The following ADGRL2 variants were observed in gnomAD, a reference collection of about 807,000 sequenced individuals.
The protein encoded by ADGRL2 is adhesion G protein-coupled receptor L2, also known as calcium-independent alpha-latrotoxin receptor 2.
In ADGRL2, 44 loss-of-function variants were observed where a neutral mutation model predicts 157.4. That is an observed-to-expected ratio of 0.28 (90% CI 0.22 to 0.36). The LOEUF (loss-of-function observed/expected upper bound fraction) is 0.36, where lower values mean the gene tolerates loss of function less well. Among genes scored for constraint, ADGRL2 ranks in the 10% least tolerant of loss-of-function variants. ADGRL2 has a pLI of 1.00. For synonymous variants in ADGRL2, 585 were observed against 624.7 expected (o/e 0.94, Z 0.95); for missense variants, 1,510 against 1,768.9 (o/e 0.85, Z 2.63).
At chr1:81,975,309 T>C (rs898504981) in intron 17 of ADGRL2, among the ~76,000 whole-genome samples, 2 of 152,110 alleles carry the variant, frequency 1.3e-5, no homozygotes, top group African/African-American at 4.8e-5. Flanking sequence ...TGCGCAGCTG[T>C]AACTCCACCT....
intron 3 of ADGRL2, among the ~76,000 whole-genome samples, chr1:81,693,585 AG>A (rs1347368358): frequency 1.3e-5 from 2 of 152,214 alleles, no homozygotes; most frequent in Admixed American, 6.5e-5. Context: ...CATTTATCCC[AG>A]GGAATGTGGA....
At chr1:81,556,627 A>AT (rs1222989321) in intron 2 of ADGRL2, among the ~76,000 whole-genome samples, 6 of 151,516 alleles carry the variant, frequency 4.0e-5, no homozygotes, top group Non-Finnish European at 7.4e-5. Context: ...AAAAAAAAAA[A>AT]TTTTTTTTTA....
chr1:81,686,505 A>G (rs1045803534), intron 3 of ADGRL2, among the ~76,000 whole-genome samples: 3 of 152,016 alleles, frequency 2.0e-5, no homozygotes, highest in Non-Finnish European at 4.4e-5. Flanking sequence ...TTCTCAGTGA[A>G]GTTATTTGGA....
At chr1:81,980,799 T>C (rs1661437590) in intron 18 of ADGRL2, 2 of 710,830 alleles carry the variant, frequency 2.8e-6, no homozygotes, top group Non-Finnish European at 2.7e-6. Context: ...CACCAGTAAT[T>C]ACCGTGTTTG....
intron 1 of ADGRL2, among the ~76,000 whole-genome samples, chr1:81,413,030 C>A (rs2076974115): frequency 6.6e-6 from 1 of 151,974 alleles, no homozygotes; most frequent in Non-Finnish European, 1.5e-5. Context: ...TTTTGTTATG[C>A]ATATATCAAA....
Position 81,785,478 on chromosome 1 carries a change from A to G in ADGRL2, c.-101+23626A>G, listed in dbSNP as rs577559251. 2.0e-5 allele frequency among the ~76,000 whole-genome samples: 3 copies of G among 152,332 alleles called. No homozygotes were observed. The East Asian group carries it at 5.8e-4, about 29-fold the overall frequency. ...TGTGATGACCCACACCTGTAGTCCC[A>G]GCACTTTGCGAGGCTGAAGTGGGAG... On this transcript the variant is annotated intron_variant, in intron 2 of 20. Coordinates refer to the ADGRL2 transcript ENST00000359929.
At chr1:81,613,660 G>T (rs1235520172) in intron 3 of ADGRL2, among the ~76,000 whole-genome samples, 1 of 152,186 alleles carries the variant, frequency 6.6e-6, no homozygotes, top group Non-Finnish European at 1.5e-5. Flanking sequence ...GGAAGCCAGA[G>T]ATCTTTAAAA....
rs545639129 is a variant in ADGRL2, at chr1:81,436,556, C to A, written c.-301-8480C>A. 8.5e-5 allele frequency among the ~76,000 whole-genome samples: 13 copies of A among 152,246 alleles called. No individual in the cohort carries two copies. In the South Asian group the frequency reaches 2.7e-3, roughly 32 times the overall value. On this transcript the variant is annotated intron_variant, in intron 1 of 24. Coordinates refer to the ADGRL2 transcript ENST00000370721. ...GGCTCTTTGTTCCCAAGTAAACAAG[C>A]CTAGTCTGGTTATGTATTAATCAAT...
chr1:81,675,934 C>T (rs1467373211), intron 3 of ADGRL2, among the ~76,000 whole-genome samples: 3 of 152,068 alleles, frequency 2.0e-5, no homozygotes, highest in African/African-American at 7.2e-5. Context: ...TAAATTGGTC[C>T]TAACACCTAC....
In ADGRL2 at chr1:81,773,826, C is replaced by A. The variant is rs150695562; in HGVS notation, c.-101+11974C>A. 2.7e-3 allele frequency among the ~76,000 whole-genome samples: 416 copies of A among 152,200 alleles called. 3 individuals are homozygous for A. The highest frequency in any genetic ancestry group is 9.6e-3 in the African/African-American group (397 of 41,528). The stretch of plus-strand genomic sequence containing the variant: ...AATTCATGTGTTGCTGTCCTAACAC[C>A]TAGTACCTCAGAGTGTGACTGTATT... On this transcript the variant is annotated intron_variant, in intron 2 of 20. Coordinates refer to the ADGRL2 transcript ENST00000359929.
chr1:81,734,926 G>A (rs1343376016), intron 1 of ADGRL2, among the ~76,000 whole-genome samples: 12 of 143,250 alleles, frequency 8.4e-5, no homozygotes, highest in African/African-American at 2.8e-4. Context: ...CCAGCTACTC[G>A]GAAGGCTGAG....
chr1:81,538,577 T>C (rs2079803021), intron 2 of ADGRL2, among the ~76,000 whole-genome samples: 2 of 152,210 alleles, frequency 1.3e-5, no homozygotes, highest in African/African-American at 4.8e-5. Flanking sequence ...TTCTTGCATC[T>C]ATACATGGAA....
At chr1:81,508,658 A>G (rs1286193614) in intron 2 of ADGRL2, among the ~76,000 whole-genome samples, 1 of 152,230 alleles carries the variant, frequency 6.6e-6, no homozygotes, top group Non-Finnish European at 1.5e-5. Flanking sequence ...CCCTACCTAC[A>G]TGAAGCCCTA....
intron 17 of ADGRL2, among the ~76,000 whole-genome samples, chr1:81,974,063 T>C (rs907316979): frequency 1.3e-5 from 2 of 152,172 alleles, no homozygotes; most frequent in Non-Finnish European, 2.9e-5. Context: ...TAACAACAAT[T>C]ACCTATTGCT....
At chr1:81,988,765 TA>T (rs1323199795) in intron 23 of ADGRL2, among the ~76,000 whole-genome samples, 5 of 152,108 alleles carry the variant, frequency 3.3e-5, no homozygotes, top group Admixed American at 6.6e-5. Flanking sequence ...GTGATACAGA[TA>T]TTTTTTTTTT....
chr1:81,974,085 A>G (rs1659525146), intron 17 of ADGRL2, among the ~76,000 whole-genome samples: 1 of 152,190 alleles, frequency 6.6e-6, no homozygotes, highest in Non-Finnish European at 1.5e-5. Flanking sequence ...TTCCTAGGAA[A>G]GTATAGCTTT....
chr1:81,344,958 A>G (rs1662375460), intron 1 of ADGRL2, among the ~76,000 whole-genome samples: 1 of 152,122 alleles, frequency 6.6e-6, no homozygotes, highest in Non-Finnish European at 1.5e-5. Flanking sequence ...CATCAACTTT[A>G]CTCAAAATCT....
chr1:81,486,242 T>C (rs1011014505), intron 2 of ADGRL2, among the ~76,000 whole-genome samples: 1 of 152,164 alleles, frequency 6.6e-6, no homozygotes, highest in Non-Finnish European at 1.5e-5. Flanking sequence ...CTGTATTTCA[T>C]AGACATCTTC....
chr1:81,409,195 T>C (rs770009263), intron 1 of ADGRL2, among the ~76,000 whole-genome samples: 30 of 152,316 alleles, frequency 2.0e-4, no homozygotes, highest in Non-Finnish European at 2.5e-4. Flanking sequence ...TGTGTAGTGA[T>C]AATTTTCCTG....
Sources: allele counts gnomAD v4.1 joint callset (sites outside exome capture counted in the v4.1 genomes callset), GRCh38; gene constraint gnomAD v4.1.1; transcripts MANE v1.5; gene names NCBI Gene and HGNC (gene_info 2026-07-23, HGNC 2026-07-21).